The following TRIM71 variants were observed in gnomAD, a reference collection of about 807,000 sequenced individuals.
The protein encoded by TRIM71 is E3 ubiquitin-protein ligase TRIM71.
A neutral mutation model predicts 61.2 loss-of-function variants in TRIM71; 9 were observed. The ratio of observed to expected loss-of-function variants is 0.15; its 90% CI spans 0.09 to 0.26. TRIM71 has a LOEUF of 0.26. Ranked by LOEUF, TRIM71 falls within the 10% of genes least tolerant of loss-of-function variation. The pLI is 1.00. For synonymous variants in TRIM71, 645 were observed against 553.2 expected, an observed-to-expected ratio of 1.17 and a Z score of -2.33; for missense variants, 998 against 1,238.7, an observed-to-expected ratio of 0.81 and a Z score of 2.92.
intron 1 of TRIM71, among the ~76,000 whole-genome samples, chr3:32,870,274 G>T (rs1201207586): frequency 6.6e-6 from 1 of 152,106 alleles, no homozygotes; most frequent in Non-Finnish European, 1.5e-5. Context: ...TTTGGACAAT[G>T]CATTCTTTTA....
At chr3:32,856,309 A>G (rs1221031524) in intron 1 of TRIM71, among the ~76,000 whole-genome samples, 2 of 151,954 alleles carry the variant, frequency 1.3e-5, no homozygotes, top group African/African-American at 4.8e-5. Context: ...GAGCCACCGC[A>G]CCTGGCCCTC....
intron 1 of TRIM71, among the ~76,000 whole-genome samples, chr3:32,843,520 A>G (rs1696435093): frequency 6.6e-6 from 1 of 152,130 alleles, no homozygotes; most frequent in Non-Finnish European, 1.5e-5. Context: ...ATTAGTGGCA[A>G]AAGAGCTCTG....
intron 1 of TRIM71, among the ~76,000 whole-genome samples, chr3:32,867,041 C>T (rs73044192): frequency 0.011 from 1,635 of 152,274 alleles, 11 homozygotes; most frequent in Middle Eastern, 0.02. Context: ...GCAGAGATAA[C>T]GGCATCCCTC....
chr3:32,894,197 C>A lies in TRIM71; in HGVS notation c.*2386C>A, dbSNP rs1348157572. Reference sequence around the variant, plus strand: ...CAAGCCACCCTTTAAACACCAAAGACAACTGGTTTTAAATGCTTGAAAAAA... The same window carrying A: ...CAAGCCACCCTTTAAACACCAAAGAAAACTGGTTTTAAATGCTTGAAAAAA... On this transcript the variant is annotated 3_prime_UTR_variant, in exon 4 of 4. Transcript: ENST00000383763. 1.3e-5 allele frequency: 2 copies of A among 152,100 alleles called. No homozygotes were observed. The highest frequency in any genetic ancestry group is 2.9e-5 in the Non-Finnish European group (2 of 68,012). 9.4% of individuals were successfully genotyped at this position (152,100 alleles called of 1,614,324 possible). A position where few individuals can be genotyped will look rare whatever the true frequency, so the allele number is the denominator to read the frequency against.
intron 1 of TRIM71, among the ~76,000 whole-genome samples, chr3:32,822,586 A>G (rs1696147336): frequency 1.3e-5 from 2 of 152,196 alleles, no homozygotes; most frequent in South Asian, 4.1e-4. Flanking sequence ...GCACCAGTGT[A>G]TATTATTCTC....
At chr3:32,825,772 C>G (rs957373394) in intron 1 of TRIM71, among the ~76,000 whole-genome samples, 1 of 152,140 alleles carries the variant, frequency 6.6e-6, no homozygotes, top group African/African-American at 2.4e-5. Context: ...ACTCCGTTAC[C>G]GCTTTTCTTC....
intron 2 of TRIM71, among the ~76,000 whole-genome samples, chr3:32,877,369 G>T (rs562292037): frequency 2.0e-5 from 3 of 151,804 alleles, no homozygotes; most frequent in Non-Finnish European, 4.4e-5. Context: ...TTTTCAAAGT[G>T]TTGGGATATC....
intron 1 of TRIM71, among the ~76,000 whole-genome samples, chr3:32,865,802 C>G (rs1410532510): frequency 3.1e-5 from 1 of 32,260 alleles, no homozygotes; most frequent in Admixed American, 4.3e-4. Context: ...GCCCCCCCCC[C>G]CCCCCGCCCC....
At chr3:32,868,385 C>T (rs1164992728) in intron 1 of TRIM71, among the ~76,000 whole-genome samples, 1 of 152,150 alleles carries the variant, frequency 6.6e-6, no homozygotes, top group East Asian at 1.9e-4. Context: ...AAATTGAAAA[C>T]TAGGGATTCT....
At chr3:32,847,771 C>T (rs1188464717) in intron 1 of TRIM71, among the ~76,000 whole-genome samples, 3 of 152,142 alleles carry the variant, frequency 2.0e-5, no homozygotes, top group Admixed American at 6.5e-5. Context: ...CCACATTTGC[C>T]TCTGAGTCTT....
intron 1 of TRIM71, among the ~76,000 whole-genome samples, chr3:32,865,977 T>A (rs1696730918): frequency 6.6e-6 from 1 of 151,590 alleles, no homozygotes; most frequent in African/African-American, 2.4e-5. Flanking sequence ...CTGATGCCCG[T>A]CACTACGCCT....
chr3:32,837,100 AAAC>A (rs67034073), intron 1 of TRIM71, among the ~76,000 whole-genome samples: 39,957 of 152,056 alleles, frequency 0.26, 5,461 homozygotes, highest in Middle Eastern at 0.33. Flanking sequence ...ATTAAGAAAA[AAAC>A]AACAACTTGC....
At chr3:32,873,063 TCCTCCCTCCCTCCCTC>T (rs1300698001) in intron 1 of TRIM71, among the ~76,000 whole-genome samples, 24 of 83,626 alleles carry the variant, frequency 2.9e-4, no homozygotes, top group African/African-American at 7.4e-4. Context: ...TTCTCTCTCT[TCCTCCCTCCCTCCCTC>T]CCTCCCTCCC....
At chr3:32,867,115 T>G (rs1324594404) in intron 1 of TRIM71, among the ~76,000 whole-genome samples, 4 of 152,082 alleles carry the variant, frequency 2.6e-5, no homozygotes, top group Non-Finnish European at 5.9e-5. Context: ...AAATTTGAGA[T>G]GAGTAGATGC....
intron 1 of TRIM71, among the ~76,000 whole-genome samples, chr3:32,832,504 A>G (rs1434637252): frequency 3.9e-5 from 6 of 152,090 alleles, no homozygotes; most frequent in Non-Finnish European, 5.9e-5. Context: ...TCAGATGGGG[A>G]GATGAGTTTG....
chr3:32,824,922 G>A (rs1221942627), intron 1 of TRIM71, among the ~76,000 whole-genome samples: 4 of 152,110 alleles, frequency 2.6e-5, no homozygotes, highest in Non-Finnish European at 4.4e-5. Context: ...AGCCTCCCAA[G>A]TAGCTGGGAC....
intron 2 of TRIM71, among the ~76,000 whole-genome samples, chr3:32,881,553 G>GCACTT: frequency 6.6e-6 from 1 of 152,316 alleles, no homozygotes; most frequent in East Asian, 1.9e-4. Flanking sequence ...GCTGGAAAGT[G>GCACTT]CACTGATTTG....
intron 1 of TRIM71, among the ~76,000 whole-genome samples, chr3:32,862,865 A>G (rs1244235693): frequency 6.6e-6 from 1 of 152,190 alleles, no homozygotes; most frequent in Non-Finnish European, 1.5e-5. Context: ...GGTGCTGTAA[A>G]TCGGGACTCA....
At chr3:32,841,517 T>C (rs781722672) in intron 1 of TRIM71, among the ~76,000 whole-genome samples, 49 of 150,264 alleles carry the variant, frequency 3.3e-4, no homozygotes, top group Non-Finnish European at 1.3e-4. Context: ...ACAAAAAAAA[T>C]ACAAAAGTTA....
Sources: gnomAD v4.1 joint callset for allele counts (sites outside exome capture counted in the v4.1 genomes callset) on GRCh38, gnomAD v4.1.1 for gene constraint, MANE v1.5 for transcripts, NCBI Gene and HGNC (gene_info 2026-07-23, HGNC 2026-07-21) for gene names.